CBLB: variants seen among roughly 807,000 people sequenced by gnomAD.
CBLB encodes the protein Cbl proto-oncogene B, also known as E3 ubiquitin-protein ligase CBL-B.
A neutral mutation model predicts 104.9 loss-of-function variants in CBLB; 31 were observed. The observed-to-expected ratio is 0.30, with a 90% CI of 0.22 to 0.40. The LOEUF (loss-of-function observed/expected upper bound fraction) is 0.40, where lower values mean the gene tolerates loss of function less well. Among genes scored for constraint, CBLB ranks in the 10% least tolerant of loss-of-function variants. The pLI is 1.00. For missense variants in CBLB, 1,062 were observed against 1,214.6 expected, an observed-to-expected ratio of 0.87 and a Z score of 1.87; for synonymous variants, 440 against 422.6, an observed-to-expected ratio of 1.04 and a Z score of -0.51.
chr3:105,661,116 T>C (rs2063754903), intron 18 of CBLB, among the ~76,000 whole-genome samples: 1 of 152,158 alleles, frequency 6.6e-6, no homozygotes, highest in Non-Finnish European at 1.5e-5. Flanking sequence ...ATGACAGTCT[T>C]ATTTTAAATT....
At chr3:105,774,767 G>A (rs1241896778) in intron 4 of CBLB, among the ~76,000 whole-genome samples, 1 of 152,090 alleles carries the variant, frequency 6.6e-6, no homozygotes, top group African/African-American at 2.4e-5. Flanking sequence ...AAAAACCTGT[G>A]AGCAATCTTT....
At position 105,678,474 on chromosome 3, in the gene CBLB, A is replaced by T. The variant is rs754171520; in HGVS notation, c.2526T>A (p.Ser842Arg). ...GATCCTGTCCTGAGGATGGCCGGCT[A>T]CTGGAGCCAGGAGGTTTTGAATGTT... ...LIEHSKPPGS[S>R]SRPSSGQDLF... The change falls in exon 17 of 19, where the codon AGT becomes AGA. Residue 842 changes from serine (S) to arginine (R), a missense_variant. Transcript: ENST00000394030. 12 of 1,613,936 alleles carry T rather than the reference A, an allele frequency of 7.4e-6. No individual in the cohort carries two copies. The African/African-American group carries it at 1.6e-4, about 22-fold the overall frequency.
chr3:105,746,181 T>C (rs1015779114), intron 5 of CBLB, 143 bp from the exon 6 acceptor site: 4 of 609,462 alleles, frequency 6.6e-6, no homozygotes, highest in Non-Finnish European at 1.1e-5. Flanking sequence ...AGGTCAACCT[T>C]TGTTACTTAA....
At chr3:105,826,151 G>T (rs1386631966) in intron 3 of CBLB, among the ~76,000 whole-genome samples, 1 of 151,824 alleles carries the variant, frequency 6.6e-6, no homozygotes, top group Non-Finnish European at 1.5e-5. Context: ...TGTTTATGGG[G>T]ACTCAAGTTA....
intron 13 of CBLB, among the ~76,000 whole-genome samples, chr3:105,689,717 T>C (rs866981956): frequency 8.6e-5 from 13 of 151,778 alleles, no homozygotes; most frequent in Admixed American, 2.0e-4. Context: ...ATTTAGTAAA[T>C]AAATAATTTA....
chr3:105,671,727 C>T (rs565286561), intron 17 of CBLB: 1 of 201,456 alleles, frequency 5.0e-6, no homozygotes, highest in Non-Finnish European at 1.0e-5. Context: ...TATCTTTTCA[C>T]CTTTTTTGGA....
At chr3:105,816,233 C>T (rs1157794607) in intron 3 of CBLB, among the ~76,000 whole-genome samples, 1 of 151,994 alleles carries the variant, frequency 6.6e-6, no homozygotes, top group Admixed American at 6.6e-5. Flanking sequence ...TGCATGATGT[C>T]ATCTGATCTT....
At chr3:105,868,107 T>C (rs1706384122) in intron 1 of CBLB, 1 of 597,614 alleles carries the variant, frequency 1.7e-6, no homozygotes, top group Non-Finnish European at 2.5e-6. Context: ...GACAGCTCTG[T>C]TGTCAACAAA....
chr3:105,720,794 T>C (rs1033153013), intron 9 of CBLB, among the ~76,000 whole-genome samples: 5 of 152,240 alleles, frequency 3.3e-5, no homozygotes, highest in Non-Finnish European at 5.9e-5. Context: ...TACATTTATA[T>C]TCAAAAGCCA....
chr3:105,804,599 A>T (rs892277500), intron 3 of CBLB, among the ~76,000 whole-genome samples: 1 of 151,990 alleles, frequency 6.6e-6, no homozygotes, highest in African/African-American at 2.4e-5. Context: ...TAAATATTTT[A>T]GGTTACATAA....
intron 3 of CBLB, among the ~76,000 whole-genome samples, chr3:105,817,924 T>C (rs1432922849): frequency 6.6e-6 from 1 of 152,228 alleles, no homozygotes; most frequent in African/African-American, 2.4e-5. Context: ...TTTCAATTTA[T>C]TATTTTAAAT....
chr3:105,770,110 C>G (rs369945300), intron 4 of CBLB, among the ~76,000 whole-genome samples: 5 of 149,908 alleles, frequency 3.3e-5, no homozygotes, highest in South Asian at 2.1e-4. Context: ...AGATGGCAGA[C>G]TGGAGGCAGT....
chr3:105,662,105 G>C (rs1334000794), intron 18 of CBLB, among the ~76,000 whole-genome samples: 1 of 152,142 alleles, frequency 6.6e-6, no homozygotes, highest in African/African-American at 2.4e-5. Flanking sequence ...TTAAAAAGTG[G>C]GGAGGAGGAG....
intron 9 of CBLB, among the ~76,000 whole-genome samples, chr3:105,727,074 G>A (rs751322871): frequency 6.6e-6 from 1 of 152,134 alleles, no homozygotes; most frequent in Non-Finnish European, 1.5e-5. Context: ...ACCCAGTAAT[G>A]GGATTGCTGG....
In CBLB at chr3:105,702,354, G is replaced by C. The variant is rs2069272947; in HGVS notation, c.1699C>G (p.Pro567Ala). Residue 567 changes from proline to alanine, a missense_variant, in exon 12 of 19, where the codon CCA becomes GCA. Transcript: ENST00000394030. ...ATGTGTCTACTCAGTCTATTGTCTG[G>C]TGGGATTGGTGGAGGTCTTTCAGGT... ...PPPERPPPIP[P>A]DNRLSRHIHH... 1 of 1,613,834 alleles carries C rather than the reference G, an allele frequency of 6.2e-7. No individual in the cohort carries two copies. The highest frequency in any genetic ancestry group is 1.1e-5 in the South Asian group (1 of 91,054).
rs1342289845 is a variant in CBLB, at chr3:105,712,350, G to C, written c.1407+7697C>G. Among the ~76,000 whole-genome samples, 4 of 152,224 alleles carry C rather than the reference G, an allele frequency of 2.6e-5. No individual in the cohort carries two copies. In the South Asian group the frequency reaches 6.2e-4, roughly 24 times the overall value. On this transcript the variant is annotated intron_variant, in intron 10 of 18. Transcript: ENST00000394030. ...GAAATGTGTCATGTTGACTACAGTGGCTTCTTATGCCCTTTGGTTCGCTCA... is the reference window on the plus strand; with the variant it reads ...GAAATGTGTCATGTTGACTACAGTGCCTTCTTATGCCCTTTGGTTCGCTCA...
chr3:105,852,261 GAA>G (rs2091033618), intron 3 of CBLB, among the ~76,000 whole-genome samples: 1 of 152,024 alleles, frequency 6.6e-6, no homozygotes, highest in African/African-American at 2.4e-5. Context: ...AAGCCAATCT[GAA>G]AAAGTTACAT....
At chr3:105,665,829 G>T (rs1374184544) in intron 18 of CBLB, among the ~76,000 whole-genome samples, 1 of 151,550 alleles carries the variant, frequency 6.6e-6, no homozygotes, top group African/African-American at 2.4e-5. Context: ...AAGAGTTTGA[G>T]ATCAGCCTGG....
At chr3:105,762,463 G>C (rs2152932719) in intron 4 of CBLB, 1 of 152,362 alleles carries the variant, frequency 6.6e-6, no homozygotes, top group South Asian at 2.1e-4. Context: ...GCAGTCTCAG[G>C]ACTTGGTGCC....
Sources: gnomAD v4.1 joint callset for allele counts (sites outside exome capture counted in the v4.1 genomes callset) on GRCh38, gnomAD v4.1.1 for gene constraint, MANE v1.5 for transcripts, NCBI Gene and HGNC (gene_info 2026-07-23, HGNC 2026-07-21) for gene names.